The following SMYD3 variants were observed in gnomAD, a reference collection of about 807,000 sequenced individuals.
SMYD3 encodes the protein SET and MYND domain containing 3, also known as histone-lysine N-methyltransferase SMYD3.
SMYD3 carries 36 observed loss-of-function variants against 57.7 expected under a neutral mutation model. The observed-to-expected ratio is 0.62, with a 90% confidence interval of 0.48 to 0.82. The LOEUF is 0.82. Among genes scored for constraint, SMYD3 ranks in the 40% least tolerant of loss-of-function variants. SMYD3 has a pLI of 0.00. For synonymous variants in SMYD3, 211 were observed against 195.0 expected, an observed-to-expected ratio of 1.08 and a Z score of -0.68; for missense variants, 515 against 538.8, an observed-to-expected ratio of 0.96 and a Z score of 0.44.
At chr1:246,324,456 G>A (rs1007697445) in intron 5 of SMYD3, among the ~76,000 whole-genome samples, 20 of 148,224 alleles carry the variant, frequency 1.3e-4, no homozygotes, top group Admixed American at 7.4e-4. Flanking sequence ...TAAAACATAA[G>A]CTTAGTATGT....
At chr1:245,882,816 A>G (rs1403578205) in intron 8 of SMYD3, among the ~76,000 whole-genome samples, 1 of 152,258 alleles carries the variant, frequency 6.6e-6, no homozygotes, top group African/African-American at 2.4e-5. Flanking sequence ...ATAGCAAAGC[A>G]TACTTCACTG....
At chr1:246,096,230 T>C (rs2060912536) in intron 5 of SMYD3, 2 of 152,240 alleles carry the variant, frequency 1.3e-5, no homozygotes, top group Admixed American at 1.3e-4. Flanking sequence ...TGCAAATGCA[T>C]TCACGCTTAA....
chr1:246,113,184 A>AAAATAAATAAAT (rs61169442), intron 5 of SMYD3, among the ~76,000 whole-genome samples: 93 of 145,520 alleles, frequency 6.4e-4, no homozygotes, highest in Middle Eastern at 6.9e-3. Flanking sequence ...TCTGTCTCAA[A>AAAATAAATAAAT]AAATAAATAA....
chr1:245,756,886 G>T (rs1247929867), intron 11 of SMYD3, among the ~76,000 whole-genome samples: 4 of 151,560 alleles, frequency 2.6e-5, no homozygotes, highest in Non-Finnish European at 5.9e-5. Context: ...ACTGTTCGGG[G>T]TTTGCTTAGC....
chr1:246,317,731 G>GAT (rs895897574), intron 5 of SMYD3, among the ~76,000 whole-genome samples: 9 of 152,038 alleles, frequency 5.9e-5, no homozygotes, highest in African/African-American at 2.2e-4. Flanking sequence ...TGTTGTACAT[G>GAT]ATATATATAA....
At chr1:246,080,702 G>C (rs1213913638) in intron 5 of SMYD3, among the ~76,000 whole-genome samples, 1 of 152,116 alleles carries the variant, frequency 6.6e-6, no homozygotes, top group Admixed American at 6.5e-5. Context: ...TAGTGTCCAA[G>C]TTCAGTATAC....
intron 5 of SMYD3, among the ~76,000 whole-genome samples, chr1:246,241,077 C>G (rs1161059850): frequency 2.1e-5 from 2 of 96,934 alleles, no homozygotes; most frequent in Non-Finnish European, 4.2e-5. Flanking sequence ...ACTGAATACC[C>G]TTTCTTTCTT....
chr1:246,181,004 G>A (rs944374297), intron 5 of SMYD3, among the ~76,000 whole-genome samples: 4 of 152,062 alleles, frequency 2.6e-5, no homozygotes, highest in Non-Finnish European at 5.9e-5. Context: ...GGTTCTATTT[G>A]TTTCCTACAG....
At chr1:246,152,120 C>T (rs2061949749) in intron 5 of SMYD3, among the ~76,000 whole-genome samples, 1 of 152,308 alleles carries the variant, frequency 6.6e-6, no homozygotes, top group Non-Finnish European at 1.5e-5. Flanking sequence ...AAGGGTTCAG[C>T]CCAGTGGCTG....
intron 1 of SMYD3, among the ~76,000 whole-genome samples, chr1:246,448,173 C>T (rs1357738421): frequency 3.3e-5 from 5 of 152,208 alleles, no homozygotes; most frequent in South Asian, 2.1e-4. Context: ...GCCAAGATCG[C>T]GCCATTGCAC....
intron 1 of SMYD3, among the ~76,000 whole-genome samples, chr1:246,379,081 T>TACACACACACACACAC (rs34560740): frequency 1.4e-3 from 184 of 130,494 alleles, no homozygotes; most frequent in Admixed American, 2.0e-3. Flanking sequence ...CACACATACA[T>TACACACACACACACAC]ACACACACAC....
intron 5 of SMYD3, among the ~76,000 whole-genome samples, chr1:246,268,636 G>A (rs1004607767): frequency 6.6e-6 from 1 of 151,994 alleles, no homozygotes; most frequent in East Asian, 1.9e-4. Context: ...CCTGGGAGGC[G>A]GAGGTTGCAG....
At chr1:246,399,512 T>C (rs369825519) in intron 1 of SMYD3, among the ~76,000 whole-genome samples, 87 of 152,230 alleles carry the variant, frequency 5.7e-4, no homozygotes, top group African/African-American at 2.0e-3. Flanking sequence ...TTTTTGTATT[T>C]TTTTTACTTC....
intron 5 of SMYD3, among the ~76,000 whole-genome samples, chr1:246,116,881 C>CA (rs1291628439): frequency 1.3e-5 from 2 of 152,002 alleles, no homozygotes; most frequent in African/African-American, 2.4e-5. Flanking sequence ...AAAAATAAAA[C>CA]AAAAAAATTA....
intron 10 of SMYD3, among the ~76,000 whole-genome samples, chr1:245,803,935 A>G (rs1405127375): frequency 7.2e-6 from 1 of 139,616 alleles, no homozygotes; most frequent in Admixed American, 7.3e-5. Context: ...TTTTTTTGAG[A>G]CAGAGTCTCT....
intron 11 of SMYD3, among the ~76,000 whole-genome samples, chr1:245,755,558 C>A (rs887573326): frequency 2.0e-5 from 3 of 152,260 alleles, no homozygotes; most frequent in Non-Finnish European, 4.4e-5. Flanking sequence ...TCATGTTTTG[C>A]AACTGTGTTG....
At chr1:246,193,378 TC>T (rs760139747) in intron 5 of SMYD3, among the ~76,000 whole-genome samples, 3 of 152,178 alleles carry the variant, frequency 2.0e-5, no homozygotes, top group Non-Finnish European at 4.4e-5. Context: ...TTACCAACTA[TC>T]TGGAGATTTA....
chr1:246,014,334 TAAA>T (rs927531207), intron 5 of SMYD3, among the ~76,000 whole-genome samples: 1 of 151,842 alleles, frequency 6.6e-6, no homozygotes, highest in East Asian at 1.9e-4. Flanking sequence ...AACAAACAAA[TAAA>T]AAAGTGAGTA....
Position 246,058,744 on chromosome 1 carries a change from T to C in SMYD3, c.532-128807A>G, listed in dbSNP as rs754587767. On this transcript the variant is annotated intron_variant, in intron 5 of 11. Transcript: ENST00000490107. ...GCTCACAAAAGCAAAACCATTTTTATTGAGGAAACAATAAAAATTGTTGGA... is the reference window on the plus strand; with the variant it reads ...GCTCACAAAAGCAAAACCATTTTTACTGAGGAAACAATAAAAATTGTTGGA... Among the ~76,000 whole-genome samples the C allele has an allele frequency of 4.5e-4, 69 of 152,160 alleles. 1 individual carries two copies. The highest frequency in any genetic ancestry group is 5.1e-4 in the Non-Finnish European group (35 of 68,028).
Sources: gnomAD v4.1 joint callset for allele counts (sites outside exome capture counted in the v4.1 genomes callset) on GRCh38, gnomAD v4.1.1 for gene constraint, MANE v1.5 for transcripts, NCBI Gene and HGNC (gene_info 2026-07-23, HGNC 2026-07-21) for gene names.